Variants in PCDH15 observed in about 807,000 individuals in gnomAD.
PCDH15 encodes protocadherin related 15.
A neutral mutation model predicts 178.5 loss-of-function variants in PCDH15; 129 were observed. That is an observed-to-expected ratio of 0.72 (90% CI 0.63 to 0.84). PCDH15 has a LOEUF of 0.84. Ranked by LOEUF, PCDH15 falls within the 40% of genes least tolerant of loss-of-function variation. PCDH15 has a pLI of 0.00. For missense variants in PCDH15, 2,230 were observed against 2,099.9 expected (o/e 1.06, Z -1.21); for synonymous variants, 800 against 732.0 (o/e 1.09, Z -1.50).
intron 6 of PCDH15, among the ~76,000 whole-genome samples, chr10:54,336,140 T>C (rs7916685): frequency 5.9e-5 from 9 of 152,128 alleles, no homozygotes; most frequent in Non-Finnish European, 1.2e-4. Context: ...AGTTTCTAAG[T>C]AGCAAAACAT....
At chr10:55,028,819 C>T (rs186257344) in intron 2 of PCDH15, among the ~76,000 whole-genome samples, 160 of 152,086 alleles carry the variant, frequency 1.1e-3, no homozygotes, top group African/African-American at 3.6e-3. Context: ...ACATGTTTAT[C>T]TGCTTCTAGT....
At chr10:54,766,493 A>G (rs761231125) in intron 1 of PCDH15, among the ~76,000 whole-genome samples, 9 of 152,170 alleles carry the variant, frequency 5.9e-5, no homozygotes, top group East Asian at 1.9e-4. Flanking sequence ...CTTGTCAGGC[A>G]TAAGAGTTAA....
At chr10:54,690,143 C>G (rs919703771) in intron 1 of PCDH15, among the ~76,000 whole-genome samples, 1 of 152,038 alleles carries the variant, frequency 6.6e-6, no homozygotes, top group Admixed American at 6.6e-5. Context: ...CTGTAGCTGT[C>G]ATAACATTAT....
intron 2 of PCDH15, among the ~76,000 whole-genome samples, chr10:55,544,434 G>C (rs1434111882): frequency 1.3e-5 from 2 of 151,632 alleles, no homozygotes; most frequent in Non-Finnish European, 2.9e-5. Flanking sequence ...TAATATATCT[G>C]AACTATTCAT....
chr10:54,792,529 AC>A (rs1951521307), intron 1 of PCDH15, among the ~76,000 whole-genome samples: 1 of 151,936 alleles, frequency 6.6e-6, no homozygotes, highest in African/African-American at 2.4e-5. Context: ...AAGCAGACTG[AC>A]AACCCAAGTG....
chr10:55,265,757 CCT>C (rs1356240723), intron 1 of PCDH15, among the ~76,000 whole-genome samples: 2 of 152,074 alleles, frequency 1.3e-5, no homozygotes, highest in Admixed American at 1.3e-4. Context: ...GTAAAACACA[CCT>C]CTCTATCTCG....
At chr10:54,734,605 G>A (rs1358303621) in intron 1 of PCDH15, among the ~76,000 whole-genome samples, 1 of 151,898 alleles carries the variant, frequency 6.6e-6, no homozygotes, top group Non-Finnish European at 1.5e-5. Context: ...CTATGCAAAT[G>A]GCTATATTGC....
intron 18 of PCDH15, among the ~76,000 whole-genome samples, chr10:54,042,765 G>A (rs2093576100): frequency 6.6e-6 from 1 of 152,062 alleles, no homozygotes; most frequent in African/African-American, 2.4e-5. Flanking sequence ...TGGCAAAATG[G>A]TGTCATCTAA....
At chr10:54,649,757 C>T (rs898776274) in intron 2 of PCDH15, among the ~76,000 whole-genome samples, 3 of 152,054 alleles carry the variant, frequency 2.0e-5, no homozygotes, top group Non-Finnish European at 4.4e-5. Context: ...AAAAAAGGTA[C>T]ACTGTGGGGT....
At chr10:54,519,092 C>T (rs1221539896) in intron 3 of PCDH15, among the ~76,000 whole-genome samples, 3 of 152,096 alleles carry the variant, frequency 2.0e-5, no homozygotes, top group Non-Finnish European at 4.4e-5. Flanking sequence ...ATGACAAACC[C>T]ACAGCCAACA....
At chr10:55,100,654 G>A (rs1842555542) in intron 2 of PCDH15, among the ~76,000 whole-genome samples, 1 of 152,044 alleles carries the variant, frequency 6.6e-6, no homozygotes, top group Non-Finnish European at 1.5e-5. Context: ...CTTTTTAACA[G>A]CCAGCTCTCA....
intron 27 of PCDH15, among the ~76,000 whole-genome samples, chr10:53,860,395 T>C (rs963247356): frequency 2.0e-5 from 3 of 152,062 alleles, no homozygotes; most frequent in Admixed American, 6.6e-5. Flanking sequence ...ATTTGAAGGA[T>C]AGTCACTGCT....
intron 2 of PCDH15, among the ~76,000 whole-genome samples, chr10:54,601,401 A>G (rs1232767445): frequency 6.6e-6 from 1 of 151,780 alleles, no homozygotes; most frequent in Non-Finnish European, 1.5e-5. Flanking sequence ...AAACACAAAA[A>G]CAAAAAAATA....
At chr10:54,297,137 G>T in intron 8 of PCDH15, among the ~76,000 whole-genome samples, 1 of 152,054 alleles carries the variant, frequency 6.6e-6, no homozygotes, top group Non-Finnish European at 1.5e-5. Flanking sequence ...TGATCAGCAG[G>T]GTCCAGGGGC....
intron 2 of PCDH15, among the ~76,000 whole-genome samples, chr10:54,582,750 A>T (rs2091151912): frequency 6.6e-6 from 1 of 152,048 alleles, no homozygotes; most frequent in Admixed American, 6.6e-5. Flanking sequence ...GTCTCTACGA[A>T]GAAAATTAAA....
At position 55,538,480 on chromosome 10, in the gene PCDH15, CCCTTCCTT is replaced by C. The variant is rs1319957830; in HGVS notation, c.-156+89137_-156+89144del. 1.7e-4 allele frequency among the ~76,000 whole-genome samples: 17 copies of C among 98,060 alleles called. 1 individual carries two copies. The highest frequency in any genetic ancestry group is 6.7e-4 in the African/African-American group (17 of 25,354). The allele number at this position is 98,060 out of a possible 152,430, so 64.3% of individuals were successfully genotyped here. ...TTCCTTCCTTCCTCCCTCCCTTCCT[CCCTTCCTT>C]CCTCCTTTCCTTCCTTCCTTCTTTC... is the stretch of plus-strand genomic sequence containing the variant. On this transcript the variant is annotated intron_variant, in intron 2 of 5. Transcript: ENST00000613346.
intron 21 of PCDH15, among the ~76,000 whole-genome samples, chr10:53,993,016 AT>A (rs1355097044): frequency 1.3e-5 from 2 of 152,250 alleles, no homozygotes; most frequent in Non-Finnish European, 2.9e-5. Flanking sequence ...ATAGTTTAAC[AT>A]GAGTGGTTCT....
chr10:54,009,956 C>T (rs2092519705), intron 20 of PCDH15, among the ~76,000 whole-genome samples: 1 of 152,166 alleles, frequency 6.6e-6, no homozygotes, highest in South Asian at 2.1e-4. Flanking sequence ...CAGTGGAGGC[C>T]AGACTTGCAT....
chr10:53,937,862 G>A lies in PCDH15; in HGVS notation c.3373+953C>T, dbSNP rs546760031. ...CCTCTTCTCCCTTCTAAGAACGCTC[G>A]CTTGCTGAAATGCCTTGAAATGATG... On this transcript the variant is annotated intron_variant, in intron 25 of 37. Coordinates refer to ENST00000644397, the MANE Select transcript of PCDH15 (RefSeq NM_001384140.1). Among the ~76,000 whole-genome samples the A allele has an allele frequency of 7.8e-4, 118 of 151,948 alleles. 1 individual carries two copies. The highest frequency in any genetic ancestry group is 3.4e-3 in the Middle Eastern group (1 of 294).
Sources: allele counts gnomAD v4.1 joint callset (sites outside exome capture counted in the v4.1 genomes callset), GRCh38; gene constraint gnomAD v4.1.1; transcripts MANE v1.5; gene names NCBI Gene and HGNC (gene_info 2026-07-23, HGNC 2026-07-21).